Variants in CCDC149 observed in about 807,000 individuals in gnomAD.
CCDC149 encodes the protein coiled-coil domain containing 149.
CCDC149 carries 45 observed loss-of-function variants against 59.9 expected under a neutral mutation model. The ratio of observed to expected loss-of-function variants is 0.75; its 90% CI spans 0.59 to 0.96. The LOEUF is 0.96. Ranked by LOEUF, CCDC149 falls within the 40% of genes least tolerant of loss-of-function variation. The probability of loss-of-function intolerance (pLI) is 0.00; values close to 1 mark genes in which losing one functional copy is unlikely to be tolerated. For synonymous variants in CCDC149, 245 were observed against 260.6 expected, an observed-to-expected ratio of 0.94 and a Z score of 0.58; for missense variants, 584 against 664.7, an observed-to-expected ratio of 0.88 and a Z score of 1.33.
chr4:24,922,980 A>G (rs982469169), intron 1 of CCDC149, among the ~76,000 whole-genome samples: 1 of 152,172 alleles, frequency 6.6e-6, no homozygotes, highest in African/African-American at 2.4e-5. Context: ...ATACCAATTT[A>G]CATACAGATT....
At chr4:24,937,076 G>A (rs4697500) in intron 1 of CCDC149, among the ~76,000 whole-genome samples, 62,758 of 152,118 alleles carry the variant, frequency 0.41, 15,323 homozygotes, top group Non-Finnish European at 0.54. Context: ...GCGCCAAGGC[G>A]AAGGAGAAGA....
chr4:24,931,413 T>A (rs12641942), intron 1 of CCDC149, among the ~76,000 whole-genome samples: 15,079 of 151,066 alleles, frequency 0.1, 1,392 homozygotes, highest in East Asian at 0.28. Context: ...GTTTATATTT[T>A]GCTCCTACTA....
At chr4:24,942,213 TC>T (rs1722974779) in intron 1 of CCDC149, among the ~76,000 whole-genome samples, 3 of 152,350 alleles carry the variant, frequency 2.0e-5, no homozygotes, top group African/African-American at 7.2e-5. Flanking sequence ...CAAGTGGGCT[TC>T]ATCCCTGGGA....
At chr4:24,903,024 C>CAAAA (rs10646050) in intron 1 of CCDC149, among the ~76,000 whole-genome samples, 4,725 of 52,330 alleles carry the variant, frequency 0.09, 734 homozygotes, top group African/African-American at 0.099. Flanking sequence ...GAGTCTAACT[C>CAAAA]AAAAAAAAAA....
intron 9 of CCDC149, among the ~76,000 whole-genome samples, chr4:24,826,737 G>C (rs35221750): frequency 6.6e-6 from 1 of 152,192 alleles, no homozygotes; most frequent in Non-Finnish European, 1.5e-5. Context: ...AGGCAACTTA[G>C]AAGATGTGCC....
intron 1 of CCDC149, among the ~76,000 whole-genome samples, chr4:24,938,537 C>A (rs7340767): frequency 6.6e-6 from 1 of 151,934 alleles, no homozygotes; most frequent in Non-Finnish European, 1.5e-5. Flanking sequence ...CACTGGGGAG[C>A]GCAGTGGGTG....
intron 1 of CCDC149, among the ~76,000 whole-genome samples, chr4:24,938,375 T>C (rs10004346): frequency 0.2 from 31,151 of 152,122 alleles, 4,230 homozygotes; most frequent in African/African-American, 0.39. Context: ...ATTGGCAAGG[T>C]AGACATATCA....
chr4:24,914,329 T>G (rs1365163093), upstream of CCDC149, among the ~76,000 whole-genome samples: 3 of 151,432 alleles, frequency 2.0e-5, no homozygotes, highest in Non-Finnish European at 4.4e-5. Flanking sequence ...TCTTTCACTC[T>G]GTGCTCAGTC....
chr4:24,905,040 T>C (rs1049580139), intron 1 of CCDC149, among the ~76,000 whole-genome samples: 4 of 152,076 alleles, frequency 2.6e-5, no homozygotes, highest in African/African-American at 9.7e-5. Flanking sequence ...TAGCTGGGAT[T>C]ACAGGTGCAC....
intron 1 of CCDC149, among the ~76,000 whole-genome samples, chr4:24,912,456 C>T (rs1374135567): frequency 6.6e-6 from 1 of 152,158 alleles, no homozygotes; most frequent in Non-Finnish European, 1.5e-5. Flanking sequence ...GTTTCAGTCC[C>T]AGGCGTCCAA....
intron 12 of CCDC149, among the ~76,000 whole-genome samples, chr4:24,817,196 G>A (rs1715072620): frequency 6.6e-6 from 1 of 152,186 alleles, no homozygotes; most frequent in Admixed American, 6.5e-5. Flanking sequence ...CCGAGGCTCA[G>A]CAAGCCTAGA....
chr4:24,907,173 C>T (rs987219797), intron 1 of CCDC149, among the ~76,000 whole-genome samples: 3 of 152,210 alleles, frequency 2.0e-5, no homozygotes, highest in African/African-American at 7.2e-5. Context: ...TGTTCCACTG[C>T]TGCCTTGCCC....
chr4:24,804,290 A>C (rs1714044038), downstream of CCDC149, among the ~76,000 whole-genome samples: 1 of 152,126 alleles, frequency 6.6e-6, no homozygotes, highest in African/African-American at 2.4e-5. Flanking sequence ...TGGGAGTTTG[A>C]GACCAGCCTG....
intron 1 of CCDC149, among the ~76,000 whole-genome samples, chr4:24,969,905 A>G (rs920121116): frequency 1.3e-5 from 2 of 152,202 alleles, no homozygotes; most frequent in South Asian, 2.1e-4. Context: ...TGTTCAATAC[A>G]TGGCCCCTGC....
At chr4:24,939,869 A>C (rs1489119426) in intron 1 of CCDC149, among the ~76,000 whole-genome samples, 2 of 152,180 alleles carry the variant, frequency 1.3e-5, no homozygotes, top group Non-Finnish European at 2.9e-5. Flanking sequence ...GAAACAAACA[A>C]AGCCTCCAAG....
intron 4 of CCDC149, among the ~76,000 whole-genome samples, chr4:24,838,791 CA>C (rs529361878): frequency 2.3e-4 from 32 of 140,790 alleles, no homozygotes; most frequent in East Asian, 1.5e-3. Flanking sequence ...AAAAAAAAAA[CA>C]AAAAAAAACC....
Position 24,813,498 on chromosome 4 carries a change from A to ATC in CCDC149, c.1193-4680_1193-4679insGA, listed in dbSNP as rs1560197566. ...AAGGTTCAGCTTGGGGAATATATAT[A>ATC]TATATATATATATATATATATATAT... On this transcript the variant is annotated intron_variant, in intron 12 of 12. Coordinates refer to ENST00000635206, the MANE Select transcript of CCDC149 (RefSeq NM_001330643.2). Among the ~76,000 whole-genome samples the ATC allele has an allele frequency of 9.0e-4, 13 of 14,506 alleles. 1 individual carries two copies. Among genetic ancestry groups the ATC allele is most frequent in the African/African-American group, 1.8e-3 (11 of 6,270 alleles). 9.5% of individuals were successfully genotyped at this position (14,506 alleles called of 152,430 possible).
At chr4:24,937,518 G>A (rs931504424) in intron 1 of CCDC149, among the ~76,000 whole-genome samples, 1 of 152,220 alleles carries the variant, frequency 6.6e-6, no homozygotes, top group African/African-American at 2.4e-5. Flanking sequence ...CAAAGGCCTA[G>A]CTAAAAAAGA....
chr4:24,909,257 C>G (rs144283313), intron 1 of CCDC149, among the ~76,000 whole-genome samples: 14 of 152,252 alleles, frequency 9.2e-5, no homozygotes, highest in African/African-American at 1.9e-4. Flanking sequence ...GGGTGGGAGA[C>G]AGCACCCAGG....
Sources: allele counts gnomAD v4.1 joint callset (sites outside exome capture counted in the v4.1 genomes callset), GRCh38; gene constraint gnomAD v4.1.1; transcripts MANE v1.5; gene names NCBI Gene and HGNC (gene_info 2026-07-23, HGNC 2026-07-21).